NALCN: variants seen among roughly 807,000 people sequenced by gnomAD.
NALCN encodes sodium leak channel, non-selective, also known as sodium leak channel NALCN.
NALCN carries 111 observed loss-of-function variants against 225.3 expected under a neutral mutation model. The ratio of observed to expected loss-of-function variants is 0.49; its 90% CI spans 0.42 to 0.58. NALCN has a LOEUF of 0.58. Ranked by LOEUF, NALCN falls within the 20% of genes least tolerant of loss-of-function variation. The pLI is 0.00. For missense variants in NALCN, 1,378 were observed against 2,202.4 expected (o/e 0.63, Z 7.49); for synonymous variants, 764 against 769.0 (o/e 0.99, Z 0.11).
At chr13:101,140,493 T>C (rs16958464) in intron 17 of NALCN, among the ~76,000 whole-genome samples, 9,906 of 152,248 alleles carry the variant, frequency 0.065, 758 homozygotes, top group African/African-American at 0.18. Context: ...ACTTTGGCCA[T>C]AATGGAAATC....
At chr13:101,327,686 G>A (rs1447075196) in intron 7 of NALCN, among the ~76,000 whole-genome samples, 1 of 152,096 alleles carries the variant, frequency 6.6e-6, no homozygotes, top group Admixed American at 6.6e-5. Context: ...TCGAGTCAGG[G>A]AAAGAGGGCC....
rs776082353 is a variant in NALCN, at chr13:101,107,579, G to T, written c.2487C>A (p.Asn829Lys). 1 of 1,614,118 alleles carries T rather than the reference G, an allele frequency of 6.2e-7. No homozygotes were observed. The highest frequency in any genetic ancestry group is 1.1e-5 in the South Asian group (1 of 91,078). ...RKVQEEELRE[N>K]HPYFDKPLFI... Reference sequence around the variant, plus strand: ...ACAGTGGCTTATCGAAGTATGGGTGGTTCTCTCTGAGTTCCTCTTCTTGCA... The same window carrying T: ...ACAGTGGCTTATCGAAGTATGGGTGTTTCTCTCTGAGTTCCTCTTCTTGCA... The change falls in exon 22 of 44, where the codon AAC (asparagine) becomes AAA (lysine). Residue 829 changes from asparagine (N) to lysine (K), a missense_variant. Asn to Lys is a moderately conservative substitution (Grantham distance 94). Transcript: ENST00000251127.
chr13:101,223,900 C>T (rs924833318), intron 13 of NALCN, among the ~76,000 whole-genome samples: 4 of 152,098 alleles, frequency 2.6e-5, no homozygotes, highest in African/African-American at 7.2e-5. Flanking sequence ...CTGACAAACA[C>T]CTGCCACAAC....
chr13:101,412,551 C>A (rs999606739), intron 1 of NALCN, among the ~76,000 whole-genome samples: 7 of 152,308 alleles, frequency 4.6e-5, no homozygotes, highest in African/African-American at 1.4e-4. Context: ...GAGAAACAAG[C>A]AATTCTGTTT....
intron 10 of NALCN, among the ~76,000 whole-genome samples, chr13:101,268,148 C>T (rs2042657746): frequency 6.6e-6 from 1 of 152,146 alleles, no homozygotes; most frequent in East Asian, 1.9e-4. Context: ...AATTTTGCAA[C>T]GTGTTTACAT....
At position 101,305,751 on chromosome 13, in the gene NALCN, A is replaced by G. The variant is rs373342443; in HGVS notation, c.800-13385T>C. Among the ~76,000 whole-genome samples, 30 of 152,350 alleles carry G rather than the reference A, an allele frequency of 2.0e-4. 1 individual carries two copies. The highest frequency in any genetic ancestry group is 6.0e-4 in the African/African-American group (25 of 41,588). ...GCAGTATTTATAAAAGTTTGTCCAA[A>G]TTTTAAAGTTTAAAGTTGTTTATCC... is the stretch of plus-strand genomic sequence containing the variant. On this transcript the variant is annotated intron_variant, in intron 7 of 43. Transcript: ENST00000251127.
At chr13:101,090,052 T>A in intron 28 of NALCN, 86 bp from the exon 29 acceptor site, 1 of 1,583,176 alleles carries the variant, frequency 6.3e-7, no homozygotes, top group Non-Finnish European at 8.6e-7. Context: ...CAGTCATGAG[T>A]GTGGGATATG....
At chr13:101,067,615 T>A (rs61973967) in intron 39 of NALCN, among the ~76,000 whole-genome samples, 1 of 152,214 alleles carries the variant, frequency 6.6e-6, no homozygotes, top group Non-Finnish European at 1.5e-5. Context: ...GTAGTTTCAG[T>A]GTCACCTCTT....
chr13:101,078,082 T>C (rs1392739372), intron 34 of NALCN, among the ~76,000 whole-genome samples: 1 of 152,256 alleles, frequency 6.6e-6, no homozygotes, highest in Non-Finnish European at 1.5e-5. Flanking sequence ...AGTCAAGAAC[T>C]GAGGTTTGGG....
chr13:101,396,059 T>G (rs2047282961), intron 2 of NALCN, among the ~76,000 whole-genome samples: 1 of 152,212 alleles, frequency 6.6e-6, no homozygotes, highest in Admixed American at 6.5e-5. Flanking sequence ...GAACACATTT[T>G]ATACAAATTT....
chr13:101,271,949 C>A (rs545012708), intron 10 of NALCN, among the ~76,000 whole-genome samples: 1 of 146,588 alleles, frequency 6.8e-6, no homozygotes, highest in Admixed American at 6.7e-5. Flanking sequence ...AGTGTGTGTG[C>A]ATGAGCATGT....
intron 13 of NALCN, among the ~76,000 whole-genome samples, chr13:101,198,584 T>C (rs1242165807): frequency 6.6e-6 from 1 of 152,080 alleles, no homozygotes; most frequent in Non-Finnish European, 1.5e-5. Context: ...ATCAAAACCA[T>C]AATGAGATAC....
intron 7 of NALCN, among the ~76,000 whole-genome samples, chr13:101,341,298 G>A (rs1019057359): frequency 1.3e-5 from 2 of 152,150 alleles, no homozygotes; most frequent in Non-Finnish European, 2.9e-5. Context: ...AAAATATTCA[G>A]AAAGAGCTTG....
intron 33 of NALCN, 123 bp from the exon 34 acceptor site, chr13:101,081,769 A>C (rs573563490): frequency 5.7e-4 from 698 of 1,215,048 alleles, no homozygotes; most frequent in Non-Finnish European, 7.4e-4. Flanking sequence ...AAATTATTTG[A>C]TGTGGACACA....
intron 28 of NALCN, 84 bp downstream of exon 28, chr13:101,095,490 A>G (rs1382527737): frequency 1.9e-6 from 2 of 1,061,604 alleles, no homozygotes; most frequent in Non-Finnish European, 2.8e-6. Context: ...AACTACTTTT[A>G]GTTACATGCC....
chr13:101,256,203 T>C (rs1398734136), intron 11 of NALCN, among the ~76,000 whole-genome samples: 1 of 152,210 alleles, frequency 6.6e-6, no homozygotes, highest in Non-Finnish European at 1.5e-5. Flanking sequence ...AATCCTGGAC[T>C]CCACTCTCTG....
chr13:101,070,063 GT>G (rs71121162), intron 37 of NALCN, among the ~76,000 whole-genome samples: 2 of 98,314 alleles, frequency 2.0e-5, no homozygotes, highest in African/African-American at 4.2e-5. Flanking sequence ...AATCATGAAT[GT>G]TTTTTTTTTT....
At chr13:101,229,340 A>G (rs1043576291) in intron 13 of NALCN, 53 bp downstream of exon 13, 7 of 1,395,872 alleles carry the variant, frequency 5.0e-6, no homozygotes, top group Admixed American at 2.6e-5. Context: ...GTTAATCATT[A>G]TTACTAAAAT....
chr13:101,089,249 C>G lies in NALCN; in HGVS notation c.3489+414G>C, dbSNP rs1006996666. The stretch of plus-strand genomic sequence containing the variant: ...GATTTTGAAATTTCTACCAGACTCC[C>G]CTCACCCCCATCAAAATCCTGAGTT... On this transcript the variant is annotated intron_variant, in intron 30 of 43. Coordinates refer to ENST00000251127, the MANE Select transcript of NALCN (RefSeq NM_052867.4). This position sits in a 1 kb window ranked among gnomAD's most constrained non-coding sequence, Gnocchi z 4.7. Among the ~76,000 whole-genome samples the G allele has an allele frequency of 3.3e-5, 5 of 152,166 alleles. No homozygotes were observed. Among genetic ancestry groups the G allele is most frequent in the Admixed American group, 6.5e-5 (1 of 15,276 alleles).
Sources: allele counts gnomAD v4.1 joint callset (sites outside exome capture counted in the v4.1 genomes callset), GRCh38; gene constraint gnomAD v4.1.1; non-coding constraint Gnocchi (gnomAD v3.1); transcripts MANE v1.5; gene names NCBI Gene and HGNC (gene_info 2026-07-23, HGNC 2026-07-21).